Variants in LAMA5 observed in about 807,000 individuals in gnomAD.
The protein encoded by LAMA5 is laminin subunit alpha-5.
LAMA5 carries 260 observed loss-of-function variants against 433.4 expected under a neutral mutation model. The observed-to-expected ratio is 0.60, with a 90% confidence interval of 0.54 to 0.66. LAMA5 has a LOEUF of 0.66. Ranked by LOEUF, LAMA5 falls within the 30% of genes least tolerant of loss-of-function variation. The pLI is 0.00. For synonymous variants in LAMA5, 2,620 were observed against 2,226.6 expected, an observed-to-expected ratio of 1.18 and a Z score of -4.97; for missense variants, 5,378 against 5,258.5, an observed-to-expected ratio of 1.02 and a Z score of -0.70.
rs533823255 is a variant in LAMA5, at chr20:62,319,008, T to C, written c.6877A>G (p.Met2293Val). The C allele has an allele frequency of 1.3e-6, 2 of 1,577,818 alleles. No homozygotes were observed. The highest frequency in any genetic ancestry group is 1.1e-5 in the South Asian group (1 of 87,378). Residue 2293 changes from methionine to valine, a missense_variant, in exon 52 of 80, where the codon ATG becomes GTG. Transcript: ENST00000252999. ...RAVDRTLSEL[M>V]SQTGHLGLAN... is the part of the protein sequence containing the mutation. ...AGCCCCAGGTGGCCCGTCTGGGACA[T>C]GAGCTCTGTGGGGCAGGGGTTCGTC...
At position 62,310,568 on chromosome 20, in the gene LAMA5, G is replaced by A. The variant is rs1327946029; in HGVS notation, c.10451C>T (p.Thr3484Ile). Residue 3484 changes from threonine (T) to isoleucine (I), a missense_variant, in exon 76 of 80, where the codon ACC becomes ATC. By Grantham distance (89) the Thr-to-Ile change is moderately conservative. Coordinates refer to ENST00000252999, the MANE Select transcript of LAMA5 (RefSeq NM_005560.6). The stretch of plus-strand genomic sequence containing the variant: ...CTTCACACAGCCGCTGAACCCGACG[G>A]TCACCTATAGGAGCAGACCGGGCAG... ...ASSHSSKLPV[T>I]VGFSGCVKRL... 1 of 1,549,040 alleles carries A rather than the reference G, an allele frequency of 6.5e-7. No homozygotes were observed. Among genetic ancestry groups the A allele is most frequent in the Non-Finnish European group, 8.7e-7 (1 of 1,153,058 alleles).
At chr20:62,365,967 G>A (rs930376578) in intron 1 of LAMA5, among the ~76,000 whole-genome samples, 4 of 152,166 alleles carry the variant, frequency 2.6e-5, no homozygotes, top group Non-Finnish European at 5.9e-5. Flanking sequence ...CTTGCTCCAG[G>A]GCCCTCTGCC....
rs555572173 is a variant in LAMA5, at chr20:62,317,071, C to T, written c.7512-48G>A. 3.4e-4 allele frequency: 502 copies of T among 1,487,410 alleles called. 7 individuals are homozygous for T. In the South Asian group the frequency reaches 6.3e-3, roughly 19 times the overall value. 92.1% of individuals were successfully genotyped at this position (1,487,410 alleles called of 1,614,324 possible). Reference sequence around the variant, plus strand: ...AGGAGTGGGTAAGCGCAGACGCCCTCGGCCTGGCTCTCCAGCCTCCTGCGC... The same window carrying T: ...AGGAGTGGGTAAGCGCAGACGCCCTTGGCCTGGCTCTCCAGCCTCCTGCGC... On this transcript the variant is annotated intron_variant, in intron 55 of 79. Transcript: ENST00000252999.
intron 65 of LAMA5, 38 bp from the exon 66 acceptor site, chr20:62,313,048 A>G: frequency 6.3e-7 from 1 of 1,599,956 alleles, no homozygotes; most frequent in Non-Finnish European, 8.5e-7. Flanking sequence ...GGGCAGGGTC[A>G]GTGCAAGTGG....
intron 7 of LAMA5, 40 bp downstream of exon 7, chr20:62,346,873 G>A (rs202000082): frequency 1.2e-6 from 2 of 1,608,262 alleles, no homozygotes; most frequent in East Asian, 2.2e-5. Context: ...CATGGGCCAG[G>A]GTGTGGGCAG....
Position 62,327,174 on chromosome 20 carries a change from CCT to C in LAMA5, c.5112+57_5112+58del, listed in dbSNP as rs1441899230. ...ACAGACCCCGCTCCTGGCTCCCAAC[CCT>C]CTCAGGCGTCCTGGCCATCCTCAAA... On this transcript the variant is annotated intron_variant, in intron 38 of 79. Coordinates refer to ENST00000252999, the MANE Select transcript of LAMA5 (RefSeq NM_005560.6). 2.0e-5 allele frequency: 28 copies of C among 1,428,828 alleles called. No individual in the cohort carries two copies. The East Asian group carries it at 6.2e-4, about 32-fold the overall frequency. The allele number at this position is 1,428,828 out of a possible 1,614,324, so 88.5% of individuals were successfully genotyped here. A position where few individuals can be genotyped will look rare whatever the true frequency, so the allele number is the denominator to read the frequency against.
chr20:62,322,189 G>T (rs1440860052), intron 47 of LAMA5, 21 bp from the exon 48 acceptor site: 1 of 1,580,086 alleles, frequency 6.3e-7, no homozygotes, highest in Non-Finnish European at 8.6e-7. Flanking sequence ...GGGCTTGGGT[G>T]AGCATGGCTG....
At position 62,312,679 on chromosome 20, in the gene LAMA5, G is replaced by T. The variant is rs368144472; in HGVS notation, c.9180C>A (p.Ala3060=). The T allele has an allele frequency of 3.1e-5, 50 of 1,607,404 alleles. No individual in the cohort carries two copies. Among genetic ancestry groups the T allele is most frequent in the Non-Finnish European group, 4.2e-5 (50 of 1,177,866 alleles). The change falls in exon 67 of 80, where the codon GCC becomes GCA. Residue 3060 remains alanine, a synonymous_variant. Transcript: ENST00000252999. ...SVEQDNDLEL[A]DAYYLGGVPP... ...GCACGCCCCCCAGGTAGTAGGCGTCGGCCAGCTCCAGATCATTGTCCTGCT... is the reference window on the plus strand; with the variant it reads ...GCACGCCCCCCAGGTAGTAGGCGTCTGCCAGCTCCAGATCATTGTCCTGCT...
At position 62,327,349 on chromosome 20, in the gene LAMA5, C is replaced by T. The variant is rs745730599; in HGVS notation, c.4996G>A (p.Glu1666Lys). ...LSTDRQVVPH[E>K]RQPGTEMLRA... ...AGCATCTCCGTCCCTGGCTGCCGCT[C>T]GTGGGGCACCACCTGCCGGTCAGTG... The change falls in exon 38 of 80, where the codon GAG (glutamate) becomes AAG (lysine). Residue 1666 changes from glutamate to lysine, a missense_variant. Physicochemically the swap from Glu to Lys is moderately conservative, Grantham distance 56. Coordinates refer to ENST00000252999, the MANE Select transcript of LAMA5 (RefSeq NM_005560.6). The T allele has an allele frequency of 4.5e-5, 72 of 1,601,360 alleles. No homozygotes were observed. The highest frequency in any genetic ancestry group is 6.0e-5 in the Non-Finnish European group (71 of 1,173,972).
chr20:62,317,203 T>C, intron 55 of LAMA5, 142 bp downstream of exon 55: 1 of 1,175,782 alleles, frequency 8.5e-7, no homozygotes. Flanking sequence ...GGCCCCAGCT[T>C]GCCGTGGAGC....
chr20:62,354,096 G>C (rs531411436), intron 2 of LAMA5, among the ~76,000 whole-genome samples: 1 of 152,008 alleles, frequency 6.6e-6, no homozygotes, highest in Non-Finnish European at 1.5e-5. Context: ...CTTTCTCCCC[G>C]TGTGTCAGCC....
chr20:62,331,629 G>T (rs1403003839), intron 28 of LAMA5, among the ~76,000 whole-genome samples: 1 of 152,252 alleles, frequency 6.6e-6, no homozygotes, highest in East Asian at 1.9e-4. Context: ...GCACTCAGCA[G>T]GCACAAGCCG....
At chr20:62,347,807 G>A (rs1469821261) in intron 6 of LAMA5, among the ~76,000 whole-genome samples, 2 of 152,212 alleles carry the variant, frequency 1.3e-5, no homozygotes, top group African/African-American at 2.4e-5. Flanking sequence ...AGTCAGTCCA[G>A]TCCATGAGGA....
Position 62,314,892 on chromosome 20 carries a change from C to T in LAMA5, c.8103G>A (p.Glu2701=). 6.2e-7 allele frequency: 1 copy of T among 1,610,950 alleles called. No individual in the cohort carries two copies. Residue 2701 remains glutamate, a synonymous_variant, in exon 60 of 80, where the codon GAG becomes GAA. Transcript: ENST00000252999. ...PQLLAKLSIL[E]NRGVHNASLA... ...GGCTGGCGTTGTGCACCCCACGGTT[C>T]TCCAGGATGCTCAGCTTGGCCAGCA...
chr20:62,321,336 C>G (rs1367134494), intron 48 of LAMA5, among the ~76,000 whole-genome samples: 2 of 44,058 alleles, frequency 4.5e-5, no homozygotes, highest in African/African-American at 1.9e-4. Context: ...GGAGGAGGTG[C>G]AGCCAGTGGA....
In LAMA5 at chr20:62,324,135, C is replaced by A; in HGVS notation, c.5713G>T (p.Asp1905Tyr). 6.5e-7 allele frequency: 1 copy of A among 1,544,388 alleles called. No individual in the cohort carries two copies. ...CAGCTGACACAGGGGGCGCTGGGGT[C>A]GTCCCTGCTGCTCACGAAGCCAGCC... Reference protein sequence around the residue: ...CQAGFVSSRDDPSAPCVSCPC... With the variant: ...CQAGFVSSRDYPSAPCVSCPC... Residue 1905 changes from aspartate to tyrosine, a missense_variant, in exon 43 of 80, where the codon GAC (aspartate) becomes TAC (tyrosine). By Grantham distance (160) the Asp-to-Tyr change is radical. Transcript: ENST00000252999. The surrounding 1 kb of genome is among the most constrained non-coding windows in gnomAD (Gnocchi z 4.4).
chr20:62,332,748 G>A lies in LAMA5; in HGVS notation c.3283-31C>T, dbSNP rs199908975. ...GGGAAGGCAGGGTGACGGGAGGCCC[G>A]CCACCCCTCGCCCTTCCCACCTCCC... On this transcript the variant is annotated intron_variant, in intron 26 of 79. Coordinates refer to ENST00000252999, the MANE Select transcript of LAMA5 (RefSeq NM_005560.6). 5.2e-4 allele frequency: 826 copies of A among 1,600,056 alleles called. 4 individuals carry two copies. The African/African-American group carries it at 8.7e-3, about 17-fold the overall frequency.
rs370026024 is a variant in LAMA5 at position 62,330,925 on chromosome 20, G to A, written c.3670C>T (p.Arg1224Cys). 1.1e-5 allele frequency: 17 copies of A among 1,550,502 alleles called. No homozygotes were observed. Among genetic ancestry groups the A allele is most frequent in the East Asian group, 2.4e-5 (1 of 40,924 alleles). ...GPNSAACLPS[R>C]FPKPPQPIIL... ...ATGGGCTGGGGCGGCTTTGGGAAGC[G>A]CGAGGGCAGACAGGCGGCACTGGTG... The change falls in exon 30 of 80, where the codon CGC (arginine) becomes TGC (cysteine). Residue 1224 changes from arginine to cysteine, a missense_variant. Arg to Cys is a radical substitution (Grantham distance 180). Coordinates refer to ENST00000252999, the MANE Select transcript of LAMA5 (RefSeq NM_005560.6).
chr20:62,331,595 T>C (rs1022520618), intron 28 of LAMA5, among the ~76,000 whole-genome samples: 3 of 151,928 alleles, frequency 2.0e-5, no homozygotes, highest in African/African-American at 7.3e-5. Context: ...CAGGCCCAGC[T>C]CTCCCAGGAC....
Sources: gnomAD v4.1 joint callset for allele counts (sites outside exome capture counted in the v4.1 genomes callset) on GRCh38, gnomAD v4.1.1 for gene constraint, Gnocchi (gnomAD v3.1) non-coding constraint, MANE v1.5 for transcripts, NCBI Gene and HGNC (gene_info 2026-07-23, HGNC 2026-07-21) for gene names.